The following SLCO1A2 variants were observed in gnomAD, a reference collection of about 807,000 sequenced individuals.
The protein encoded by SLCO1A2 is solute carrier organic anion transporter family member 1A2, also known as OATP-1.
A neutral mutation model predicts 69.0 loss-of-function variants in SLCO1A2; 67 were observed. The ratio of observed to expected loss-of-function variants is 0.97; its 90% confidence interval spans 0.80 to 1.19. The LOEUF is 1.19. SLCO1A2 is among the 50% of genes most tolerant of loss of function. SLCO1A2 has a pLI of 0.00. For synonymous variants in SLCO1A2, 260 were observed against 265.9 expected (o/e 0.98, Z 0.22); for missense variants, 787 against 793.7 (o/e 0.99, Z 0.10).
chr12:21,267,267 TC>T lies in SLCO1A2; in HGVS notation c.*2280del, dbSNP rs1311801049. 2.0e-5 allele frequency: 3 copies of T among 152,224 alleles called. No individual in the cohort carries two copies. The East Asian group carries it at 5.8e-4, about 29-fold the overall frequency. 9.4% of individuals were successfully genotyped at this position (152,224 alleles called of 1,614,324 possible). The stretch of plus-strand genomic sequence containing the variant: ...AAGGTACTAAGTCCATAGCCATGTC[TC>T]TCTGGGCCTATGATGCTCCATTGAG... On this transcript the variant is annotated 3_prime_UTR_variant, in exon 15 of 15. Transcript: ENST00000683939.
chr12:21,336,063 T>A (rs753315143), upstream of SLCO1A2, among the ~76,000 whole-genome samples: 1 of 152,056 alleles, frequency 6.6e-6, no homozygotes, highest in African/African-American at 2.4e-5. Flanking sequence ...ATGTAAGTGG[T>A]GAAAAAATTC....
At chr12:21,297,700 CT>C in intron 8 of SLCO1A2, 132 bp from the exon 9 acceptor site, 4 of 608,714 alleles carry the variant, frequency 6.6e-6, no homozygotes, top group Non-Finnish European at 1.1e-5. Flanking sequence ...TTTGCTAATT[CT>C]TTTTTCCCCT....
At position 21,412,647 on chromosome 12, in the gene SLCO1A2, G is replaced by A. The variant is rs1264747496; in HGVS notation, c.-312+5235C>T. 2.6e-5 allele frequency among the ~76,000 whole-genome samples: 4 copies of A among 152,106 alleles called. No homozygotes were observed. The East Asian group carries it at 5.8e-4, about 22-fold the overall frequency. On this transcript the variant is annotated intron_variant, in intron 1 of 4. Coordinates refer to the SLCO1A2 transcript ENST00000413682. ...TTTGTCCAAGACTGATTCCCTGCAA[G>A]GTACCTCCCACAATGCTCCACTGGA...
chr12:21,280,086 C>CA (rs1206893039), intron 12 of SLCO1A2, among the ~76,000 whole-genome samples: 4 of 148,970 alleles, frequency 2.7e-5, no homozygotes, highest in African/African-American at 9.8e-5. Context: ...AACCTCAAAT[C>CA]AAAAAACATA....
chr12:21,319,245 T>C (rs1951273435), intron 2 of SLCO1A2: 1 of 930,954 alleles, frequency 1.1e-6, no homozygotes, highest in South Asian at 1.3e-5. Context: ...TACAATGATA[T>C]CTAAAGTACA....
At chr12:21,400,097 A>G (rs907222479), upstream of SLCO1A2, among the ~76,000 whole-genome samples, 3 of 151,956 alleles carry the variant, frequency 2.0e-5, no homozygotes, top group African/African-American at 7.3e-5. Context: ...GCAACCTACA[A>G]AATGGGAGGA....
At chr12:21,395,911 CAAAGATGGGGAA>C (rs1332167901), upstream of SLCO1A2, among the ~76,000 whole-genome samples, 1 of 151,104 alleles carries the variant, frequency 6.6e-6, no homozygotes, top group Non-Finnish European at 1.5e-5. Flanking sequence ...GATAAAACCA[CAAAGATGGGGAA>C]AAAACAGAAC....
upstream of SLCO1A2, among the ~76,000 whole-genome samples, chr12:21,395,803 G>A (rs968356944): frequency 6.6e-6 from 1 of 152,170 alleles, no homozygotes; most frequent in South Asian, 2.1e-4. Flanking sequence ...CAGACCTGCA[G>A]CTGAGGGTCC....
At position 21,270,028 on chromosome 12, in the gene SLCO1A2, C is replaced by G. The variant is rs201501703; in HGVS notation, c.1794-261G>C. On this transcript the variant is annotated intron_variant, in intron 14 of 14. Transcript: ENST00000683939. ...GTTTTATTATTGTTGTTATAACTAA[C>G]TAGTTTTTCATTGAGTAGGATCTTC... 1.7e-4 allele frequency among the ~76,000 whole-genome samples: 24 copies of G among 143,610 alleles called. No individual in the cohort carries two copies. In the South Asian group the frequency reaches 5.0e-3, roughly 30 times the overall value. The allele number at this position is 143,610 out of a possible 152,430, so 94.2% of individuals were successfully genotyped here.
Position 21,292,025 on chromosome 12 carries a change from A to G in SLCO1A2, c.1610+139T>C, listed in dbSNP as rs559673748. Reference sequence around the variant, plus strand: ...CTTTAAAATTTTGTGAAATCCAACAATGCTTAATACAAAACCCTTAATAAA... The same window carrying G: ...CTTTAAAATTTTGTGAAATCCAACAGTGCTTAATACAAAACCCTTAATAAA... On this transcript the variant is annotated intron_variant, in intron 12 of 14. Transcript: ENST00000683939. 7.8e-6 allele frequency: 4 copies of G among 513,722 alleles called. No individual in the cohort carries two copies. The South Asian group carries it at 1.7e-4, about 22-fold the overall frequency. The allele number at this position is 513,722 out of a possible 1,614,324, so 31.8% of individuals were successfully genotyped here.
At chr12:21,272,423 T>C (rs912315769) in intron 14 of SLCO1A2, among the ~76,000 whole-genome samples, 1 of 151,900 alleles carries the variant, frequency 6.6e-6, no homozygotes, top group Non-Finnish European at 1.5e-5. Flanking sequence ...TATAATTTTA[T>C]AAATTTTTGT....
intron 12 of SLCO1A2, among the ~76,000 whole-genome samples, chr12:21,287,303 A>T (rs1946029843): frequency 6.7e-6 from 1 of 148,730 alleles, no homozygotes; most frequent in African/African-American, 2.5e-5. Context: ...AATCAAAACC[A>T]CTATGAGATA....
chr12:21,419,625 C>T (rs191226099), upstream of SLCO1A2: 31 of 166,876 alleles, frequency 1.9e-4, 1 homozygote, highest in African/African-American at 5.5e-4. Context: ...ATCTGCAAGG[C>T]GGCAATGAGG....
Position 21,295,754 on chromosome 12 carries a change from T to C in SLCO1A2, c.1114A>G (p.Ile372Val). 6.3e-7 allele frequency: 1 copy of C among 1,597,770 alleles called. No individual in the cohort carries two copies. Among genetic ancestry groups the C allele is most frequent in the Non-Finnish European group, 8.6e-7 (1 of 1,165,624 alleles). ...NLPPICIGYIIGGLIMKKFKI... is the reference protein window; with the variant it reads ...NLPPICIGYIVGGLIMKKFKI... ...AACTTCTTCATAATTAAACCACCAA[T>C]TATATATCCAATACATATTGGAGGT... The change falls in exon 10 of 15, where the codon ATT (isoleucine) becomes GTT (valine). Residue 372 changes from isoleucine to valine, a missense_variant. Transcript: ENST00000683939.
At chr12:21,302,966 A>G (rs1023201326) in intron 6 of SLCO1A2, among the ~76,000 whole-genome samples, 1 of 152,164 alleles carries the variant, frequency 6.6e-6, no homozygotes, top group African/African-American at 2.4e-5. Context: ...TGCTGGGATT[A>G]CAGGCATGAG....
At chr12:21,296,642 C>A (rs1947755640) in intron 9 of SLCO1A2, among the ~76,000 whole-genome samples, 1 of 152,076 alleles carries the variant, frequency 6.6e-6, no homozygotes, top group Admixed American at 6.6e-5. Context: ...GAACCCTTCC[C>A]AATAAGTGAA....
chr12:21,328,428 C>T (rs1196891165), intron 2 of SLCO1A2, among the ~76,000 whole-genome samples: 1 of 152,022 alleles, frequency 6.6e-6, no homozygotes, highest in Non-Finnish European at 1.5e-5. Context: ...GAGGGAGTCA[C>T]CTAGTGCCCC....
At chr12:21,305,485 A>C (rs1302258725) in intron 5 of SLCO1A2, among the ~76,000 whole-genome samples, 2 of 152,242 alleles carry the variant, frequency 1.3e-5, no homozygotes, top group East Asian at 3.8e-4. Flanking sequence ...GTCGGAAAAT[A>C]ATAGTCTCTA....
intron 8 of SLCO1A2, among the ~76,000 whole-genome samples, chr12:21,299,958 G>GTGTATATATGTGTGTAGATATA: frequency 6.9e-6 from 1 of 144,138 alleles, no homozygotes; most frequent in Non-Finnish European, 1.5e-5. Context: ...ATATATATAT[G>GTGTATATATGTGTGTAGATATA]TGTGTGTGTA....
Sources: allele counts gnomAD v4.1 joint callset (sites outside exome capture counted in the v4.1 genomes callset), GRCh38; gene constraint gnomAD v4.1.1; transcripts MANE v1.5; gene names NCBI Gene and HGNC (gene_info 2026-07-23, HGNC 2026-07-21).